Variants in USO1 observed in about 807,000 individuals in gnomAD.
USO1 encodes the protein general vesicular transport factor p115.
Under a neutral mutation model 124.5 loss-of-function variants are expected in USO1, and 57 were observed. The ratio of observed to expected loss-of-function variants is 0.46; its 90% CI spans 0.37 to 0.57. The LOEUF (loss-of-function observed/expected upper bound fraction) is 0.57, where lower values mean the gene tolerates loss of function less well. USO1 is among the 20% of genes least tolerant of loss of function. USO1 has a pLI of 0.00. For missense variants in USO1, 900 were observed against 1,040.6 expected, an observed-to-expected ratio of 0.86 and a Z score of 1.86; for synonymous variants, 369 against 362.8, an observed-to-expected ratio of 1.02 and a Z score of -0.19.
intron 8 of USO1, among the ~76,000 whole-genome samples, chr4:75,780,849 G>T (rs958031260): frequency 2.0e-5 from 3 of 151,310 alleles, no homozygotes; most frequent in Admixed American, 1.3e-4. Context: ...GTTTCACCAT[G>T]TTGGCCAGGC....
chr4:75,774,880 A>G (rs1722031536), intron 8 of USO1, 84 bp downstream of exon 8: 4 of 1,458,260 alleles, frequency 2.7e-6, no homozygotes, highest in Non-Finnish European at 3.6e-6. Flanking sequence ...TGGAGGGAGA[A>G]ATGGGGACTC....
chr4:75,782,287 G>A (rs770085354), intron 8 of USO1, among the ~76,000 whole-genome samples: 4 of 152,192 alleles, frequency 2.6e-5, no homozygotes, highest in South Asian at 4.1e-4. Context: ...GTTCACAAGC[G>A]TTTGTGAATT....
chr4:75,760,734 A>C, intron 4 of USO1: 1 of 389,116 alleles, frequency 2.6e-6, no homozygotes, highest in Non-Finnish European at 4.5e-6. Context: ...ACTATATAAG[A>C]ATTCTTTAAT....
chr4:75,800,517 G>C, intron 15 of USO1, 48 bp downstream of exon 15: 1 of 950,228 alleles, frequency 1.1e-6, no homozygotes, highest in Middle Eastern at 2.8e-4. Flanking sequence ...AGATAATGAT[G>C]CTTTTTTTTT....
intron 8 of USO1, among the ~76,000 whole-genome samples, chr4:75,779,306 G>A (rs2149173338): frequency 6.6e-6 from 1 of 152,236 alleles, no homozygotes; most frequent in Admixed American, 6.5e-5. Context: ...TCAAGTGAAA[G>A]AAGAGTTGTA....
intron 1 of USO1, among the ~76,000 whole-genome samples, chr4:75,728,880 GCTCCCC>G (rs1293562773): frequency 1.3e-5 from 2 of 151,182 alleles, no homozygotes; most frequent in Non-Finnish European, 3.0e-5. Context: ...CTCACTGCAA[GCTCCCC>G]CTCCCGGGTT....
chr4:75,748,750 G>A (rs937132891), intron 1 of USO1, among the ~76,000 whole-genome samples: 6 of 151,824 alleles, frequency 4.0e-5, no homozygotes, highest in Non-Finnish European at 7.4e-5. Flanking sequence ...AGCAGAAAAC[G>A]CCTGGAAAAA....
At position 75,799,727 on chromosome 4, in the gene USO1, C is replaced by G; in HGVS notation, c.1558C>G (p.Pro520Ala). ...TTTTCTTCACAATTCAGCCAATGTT[C>G]CATTTGTATCCTTTATGTTTTAGTA... ...THFLHNSANV[P>A]FLTGQIAENL... Residue 520 changes from proline to alanine, a missense_variant, in exon 14 of 24, where the codon CCA becomes GCA. This residue lies in a region of USO1 where 538 missense variants were observed against 681.6 expected (regional missense o/e 0.79). Transcript: ENST00000514213. 6.2e-7 allele frequency: 1 copy of G among 1,613,338 alleles called. No homozygotes were observed. Among genetic ancestry groups the G allele is most frequent in the Non-Finnish European group, 8.5e-7 (1 of 1,179,674 alleles).
Position 75,773,535 on chromosome 4 carries a change from T to C in USO1, c.556-1141T>C, listed in dbSNP as rs375557137. Among the ~76,000 whole-genome samples the C allele has an allele frequency of 7.2e-5, 11 of 152,318 alleles. No homozygotes were observed. In the South Asian group the frequency reaches 1.2e-3, roughly 17 times the overall value. On this transcript the variant is annotated intron_variant, in intron 7 of 23. Coordinates refer to ENST00000514213, the MANE Select transcript of USO1 (RefSeq NM_003715.4). Reference sequence around the variant, plus strand: ...GTAGGGCAACCAATTTTTTATTTTTTTATTTCATTAGTTTTTGGGGAACAG... The same window carrying C: ...GTAGGGCAACCAATTTTTTATTTTTCTATTTCATTAGTTTTTGGGGAACAG...
rs1038864657 is a variant in USO1 at position 75,750,517 on chromosome 4, C to G, written c.67-1856C>G. Among the ~76,000 whole-genome samples the G allele has an allele frequency of 7.9e-3, 1,198 of 152,126 alleles. 17 individuals are homozygous for G. Among genetic ancestry groups the G allele is most frequent in the African/African-American group, 0.027 (1,127 of 41,492 alleles). ...TATTTATTTTTGAGACAGGGTCTCGCTCTGTCAACAGGCTGGAGTGTAGTG... is the reference window on the plus strand; with the variant it reads ...TATTTATTTTTGAGACAGGGTCTCGGTCTGTCAACAGGCTGGAGTGTAGTG... On this transcript the variant is annotated intron_variant, in intron 1 of 23. Coordinates refer to ENST00000514213, the MANE Select transcript of USO1 (RefSeq NM_003715.4).
rs188970532 is a variant in USO1 at position 75,812,236 on chromosome 4, T to C, written c.2660T>C (p.Ile887Thr). 219 of 1,610,202 alleles carry C rather than the reference T, an allele frequency of 1.4e-4. 1 individual carries two copies. In the African/African-American group the frequency reaches 2.6e-3, roughly 19 times the overall value. Residue 887 changes from isoleucine (I) to threonine (T), a missense_variant, in exon 23 of 24, where the codon ATT becomes ACT. This residue lies in a region of USO1 where 362 missense variants were observed against 359.0 expected (regional missense o/e 1.01). Transcript: ENST00000514213. ...GATTCATCTAATAGTACCATTGCCATTTTACAAACTGAGAAAGACAAACTA... is the reference window on the plus strand; with the variant it reads ...GATTCATCTAATAGTACCATTGCCACTTTACAAACTGAGAAAGACAAACTA... ...QLDSSNSTIA[I>T]LQTEKDKLEL...
intron 17 of USO1, among the ~76,000 whole-genome samples, chr4:75,803,251 T>C (rs1488028190): frequency 6.6e-6 from 1 of 152,050 alleles, no homozygotes; most frequent in African/African-American, 2.4e-5. Flanking sequence ...GAAATTATGA[T>C]AGAATGTTAA....
chr4:75,728,899 C>A (rs565406501), intron 1 of USO1, among the ~76,000 whole-genome samples: 2 of 151,524 alleles, frequency 1.3e-5, no homozygotes, highest in East Asian at 3.9e-4. Context: ...CCCGGGTTCA[C>A]GCCATTCTTC....
intron 1 of USO1, among the ~76,000 whole-genome samples, 176 bp from the exon 2 acceptor site, chr4:75,752,197 T>G (rs1225673412): frequency 5.3e-5 from 8 of 152,170 alleles, no homozygotes; most frequent in Non-Finnish European, 8.8e-5. Flanking sequence ...GCAAAACTAT[T>G]TGATCTCTGT....
chr4:75,734,942 T>A (rs573892643), intron 1 of USO1, among the ~76,000 whole-genome samples: 46 of 151,964 alleles, frequency 3.0e-4, no homozygotes, highest in African/African-American at 9.6e-4. Context: ...TTGGCCAGGC[T>A]GGTTTCAAAC....
intron 9 of USO1, among the ~76,000 whole-genome samples, chr4:75,785,912 G>C (rs1722349080): frequency 6.6e-6 from 1 of 152,094 alleles, no homozygotes; most frequent in Non-Finnish European, 1.5e-5. Context: ...AAAAACACCA[G>C]AAATCTCACT....
intron 22 of USO1, among the ~76,000 whole-genome samples, chr4:75,811,554 C>T (rs753467059): frequency 9.9e-5 from 15 of 152,226 alleles, no homozygotes; most frequent in South Asian, 4.1e-4. Flanking sequence ...TTCCATAAGC[C>T]GTGGAACATA....
chr4:75,764,007 T>A (rs1721695793), intron 4 of USO1, among the ~76,000 whole-genome samples: 2 of 152,192 alleles, frequency 1.3e-5, no homozygotes, highest in South Asian at 4.1e-4. Context: ...GTCTTATGAC[T>A]GTAACTTAAA....
Position 75,804,175 on chromosome 4 carries a change from A to G in USO1, c.2028A>G (p.Leu676=). 6.2e-7 allele frequency: 1 copy of G among 1,613,580 alleles called. No individual in the cohort carries two copies. The highest frequency in any genetic ancestry group is 8.5e-7 in the Non-Finnish European group (1 of 1,179,722). The change falls in exon 18 of 24, where the codon TTA becomes TTG. Residue 676 remains leucine, a synonymous_variant. Transcript: ENST00000514213. ...AATTAAGGCAGCAGGTTTCTACATT[A>G]AAATGTCAAAATGAACAGCTCCAGA... ...LEELRQQVST[L]KCQNEQLQTA...
Sources: gnomAD v4.1 joint callset for allele counts (sites outside exome capture counted in the v4.1 genomes callset) on GRCh38, gnomAD v4.1.1 for gene constraint, gnomAD v4.1.1 regional missense constraint, MANE v1.5 for transcripts, NCBI Gene and HGNC (gene_info 2026-07-23, HGNC 2026-07-21) for gene names.